Variants in MAP3K15 observed in about 807,000 individuals in gnomAD.
The protein encoded by MAP3K15 is mitogen-activated protein kinase kinase kinase 15.
Under a neutral mutation model 99.5 loss-of-function variants are expected in MAP3K15, and 124 were observed. The observed-to-expected ratio is 1.25, with a 90% CI of 1.08 to 1.45. MAP3K15 has a LOEUF of 1.45. Among genes scored for constraint, MAP3K15 ranks in the 40% most tolerant of loss-of-function variants. The pLI is 0.00. For missense variants in MAP3K15, 1,242 were observed against 1,079.7 expected (o/e 1.15, Z -2.11); for synonymous variants, 494 against 439.6 (o/e 1.12, Z -1.55).
At chrX:19,373,236 GGAGA>G (rs1473804031) in intron 21 of MAP3K15, 1 of 227,837 alleles carries the variant, frequency 4.4e-6, no homozygotes, top group East Asian at 8.1e-5. Flanking sequence ...AGGGTGAGGG[GGAGA>G]GAGAGGGGGA....
intron 28 of MAP3K15, 38 bp downstream of exon 28, chrX:19,361,301 G>T (rs376593530): frequency 9.2e-7 from 1 of 1,082,971 alleles, no homozygotes; most frequent in Non-Finnish European, 1.3e-6. Flanking sequence ...CACATAAAAA[G>T]TTGTATTCTC....
At position 19,373,034 on chromosome X, in the gene MAP3K15, G is replaced by A. The variant is rs758745081; in HGVS notation, c.2934-207C>T. ...AGGGAGAGCAGAAGGAGGGGGAGGCGGGGTAAAGGAGCCTCCCAGGAGACA... is the reference window on the plus strand; with the variant it reads ...AGGGAGAGCAGAAGGAGGGGGAGGCAGGGTAAAGGAGCCTCCCAGGAGACA... On this transcript the variant is annotated intron_variant, in intron 21 of 28. Coordinates refer to ENST00000338883, the MANE Select transcript of MAP3K15 (RefSeq NM_001001671.4). 141 of 317,813 alleles carry A rather than the reference G, an allele frequency of 4.4e-4. 1 individual carries two copies. The South Asian group carries it at 9.3e-3, about 21-fold the overall frequency. 26.2% of individuals were successfully genotyped at this position (317,813 alleles called of 1,213,427 possible).
rs772436564 is a variant in MAP3K15 at position 19,430,587 on chromosome X, G to C, written c.1166+851C>G. On this transcript the variant is annotated intron_variant, in intron 7 of 28. Coordinates refer to ENST00000338883, the MANE Select transcript of MAP3K15 (RefSeq NM_001001671.4). ...AAATATATTCTTTGCATAACAGTGA[G>C]TACTCTTGTTAAAATGCATGTCCAA... is the stretch of plus-strand genomic sequence containing the variant. Among the ~76,000 whole-genome samples the C allele has an allele frequency of 4.5e-5, 5 of 111,683 alleles. No individual in the cohort carries two copies. The South Asian group carries it at 1.9e-3, about 42-fold the overall frequency.
intron 14 of MAP3K15, 122 bp downstream of exon 14, chrX:19,400,454 T>C: frequency 2.2e-6 from 1 of 455,143 alleles, no homozygotes; most frequent in Non-Finnish European, 3.8e-6. Context: ...AACCATGCAG[T>C]GATGGCTGGC....
intron 5 of MAP3K15, among the ~76,000 whole-genome samples, chrX:19,458,632 A>G (rs2064111194): frequency 8.9e-6 from 1 of 112,015 alleles, no homozygotes; most frequent in African/African-American, 3.2e-5. Flanking sequence ...GTGAGCTGAG[A>G]TCACACCACT....
At chrX:19,426,818 C>CAAAAAAAAAAAAAAAAAAAAA (rs746106862) in intron 7 of MAP3K15, among the ~76,000 whole-genome samples, 2 of 21,148 alleles carry the variant, frequency 9.5e-5, no homozygotes, top group African/African-American at 2.1e-4. Flanking sequence ...AATCTGTCTC[C>CAAAAAAAAAAAAAAAAAAAAA]AAAAAAAAAA....
chrX:19,451,360 C>T (rs951855374), intron 6 of MAP3K15, among the ~76,000 whole-genome samples: 9 of 101,066 alleles, frequency 8.9e-5, no homozygotes, highest in Non-Finnish European at 1.8e-4. Flanking sequence ...ATACAATCAA[C>T]AGAGTGAAAA....
At chrX:19,395,263 C>G (rs2063560605) in intron 15 of MAP3K15, 55 bp from the exon 16 acceptor site, 2 of 1,130,389 alleles carry the variant, frequency 1.8e-6, no homozygotes, top group East Asian at 6.3e-5. Flanking sequence ...ACTCTAGAAC[C>G]ACATCTCACC....
rs757721593 is a variant in MAP3K15 at position 19,459,872 on chromosome X, G to A, written c.888+113C>T. ...TCTCAAAAAAGAAAACAAAAAAGAA[G>A]AACAAAACCCAGCCACTTCACCACA... On this transcript the variant is annotated intron_variant, in intron 5 of 28. Coordinates refer to ENST00000338883, the MANE Select transcript of MAP3K15 (RefSeq NM_001001671.4). 6.9e-5 allele frequency: 40 copies of A among 580,825 alleles called. No homozygotes were observed. The African/African-American group carries it at 9.0e-4, about 13-fold the overall frequency. The allele number at this position is 580,825 out of a possible 1,213,427, so 47.9% of individuals were successfully genotyped here. A position where few individuals can be genotyped will look rare whatever the true frequency, so the allele number is the denominator to read the frequency against.
At chrX:19,400,734 T>G (rs191662444) in intron 13 of MAP3K15, 71 bp from the exon 14 acceptor site, 3 of 710,635 alleles carry the variant, frequency 4.2e-6, no homozygotes, top group Admixed American at 5.3e-5. Context: ...TAACTTAGCT[T>G]TATTAAACTG....
At chrX:19,367,291 A>G (rs900322615) in intron 25 of MAP3K15, among the ~76,000 whole-genome samples, 9 of 111,017 alleles carry the variant, frequency 8.1e-5, no homozygotes, top group Admixed American at 7.7e-4. Context: ...ATATGGACAC[A>G]TAGAGGGGAA....
chrX:19,386,756 G>A (rs1350996189), intron 18 of MAP3K15, among the ~76,000 whole-genome samples: 1 of 111,364 alleles, frequency 9.0e-6, no homozygotes. Context: ...GTTTATAACC[G>A]AGGCCCAGGG....
At chrX:19,421,923 A>G (rs1293258404) in intron 9 of MAP3K15, among the ~76,000 whole-genome samples, 1 of 110,152 alleles carries the variant, frequency 9.1e-6, no homozygotes, top group African/African-American at 3.4e-5. Context: ...AAAACAAGCA[A>G]TGGGGAAAGG....
intron 1 of MAP3K15, among the ~76,000 whole-genome samples, chrX:19,490,140 TACACACACACAC>T (rs59202439): frequency 2.1e-3 from 190 of 92,460 alleles, no homozygotes; most frequent in African/African-American, 5.6e-3. Flanking sequence ...ATAGGCATTA[TACACACACACAC>T]ACACACACAC....
At position 19,395,882 on chromosome X, in the gene MAP3K15, C is replaced by T. The variant is rs2063564621; in HGVS notation, c.2067-674G>A. On this transcript the variant is annotated intron_variant, in intron 15 of 28. Transcript: ENST00000338883. ...CAAGAGCATCTCACTGCCCTGCATCCTACATTCAAGTCATATCAGACAATC... is the reference window on the plus strand; with the variant it reads ...CAAGAGCATCTCACTGCCCTGCATCTTACATTCAAGTCATATCAGACAATC... 2.7e-5 allele frequency among the ~76,000 whole-genome samples: 3 copies of T among 112,048 alleles called. No homozygotes were observed. In the South Asian group the frequency reaches 1.1e-3, roughly 41 times the overall value.
At chrX:19,370,839 A>T in intron 24 of MAP3K15, 120 bp downstream of exon 24, 1 of 574,042 alleles carries the variant, frequency 1.7e-6, no homozygotes, top group Non-Finnish European at 2.9e-6. Context: ...ACATGCATTT[A>T]ATTCCAAGGA....
chrX:19,455,943 C>T (rs1395954232), intron 6 of MAP3K15, among the ~76,000 whole-genome samples: 1 of 110,675 alleles, frequency 9.0e-6, no homozygotes, highest in African/African-American at 3.3e-5. Flanking sequence ...CTTACTATGT[C>T]GGGGGAACAA....
At chrX:19,436,209 A>G (rs904296874) in intron 6 of MAP3K15, among the ~76,000 whole-genome samples, 1 of 110,472 alleles carries the variant, frequency 9.1e-6, no homozygotes, top group Non-Finnish European at 1.9e-5. Context: ...AGGAGCTTAA[A>G]TCTGAATCTC....
chrX:19,390,776 C>T (rs1470902101), intron 18 of MAP3K15, among the ~76,000 whole-genome samples: 9 of 106,231 alleles, frequency 8.5e-5, no homozygotes, highest in African/African-American at 3.1e-4. Context: ...TCAAGTGATC[C>T]TCCCATCTTG....
Sources: gnomAD v4.1 joint callset for allele counts (sites outside exome capture counted in the v4.1 genomes callset) on GRCh38, gnomAD v4.1.1 for gene constraint, MANE v1.5 for transcripts, NCBI Gene and HGNC (gene_info 2026-07-23, HGNC 2026-07-21) for gene names.